VIT: variants seen among roughly 807,000 people sequenced by gnomAD.
VIT encodes vitrin.
In VIT, 99 loss-of-function variants were observed where a neutral mutation model predicts 78.0. The observed-to-expected ratio is 1.27, with a 90% CI of 1.08 to 1.50. The LOEUF is 1.50. Ranked by LOEUF, VIT falls within the 40% of genes most tolerant of loss-of-function variation. VIT has a pLI of 0.00. For synonymous variants in VIT, 374 were observed against 334.3 expected, an observed-to-expected ratio of 1.12 and a Z score of -1.29; for missense variants, 1,126 against 875.3, an observed-to-expected ratio of 1.29 and a Z score of -3.61.
intron 11 of VIT, 99 bp from the exon 12 acceptor site, chr2:36,787,030 T>C: frequency 1.4e-6 from 2 of 1,462,680 alleles, no homozygotes; most frequent in Non-Finnish European, 1.9e-6. Flanking sequence ...TTTCTTTTCA[T>C]TTCTCAGGGG....
At chr2:36,799,306 A>G (rs1463283716) in intron 12 of VIT, among the ~76,000 whole-genome samples, 3 of 152,196 alleles carry the variant, frequency 2.0e-5, no homozygotes, top group Admixed American at 6.5e-5. Context: ...CCCGGTCCGC[A>G]TGGACTCACT....
At chr2:36,783,665 A>G (rs1307105254) in intron 11 of VIT, among the ~76,000 whole-genome samples, 1 of 152,190 alleles carries the variant, frequency 6.6e-6, no homozygotes, top group Non-Finnish European at 1.5e-5. Context: ...AAAGACAAGG[A>G]AGGATGAAAG....
chr2:36,783,761 A>G (rs551391825), intron 11 of VIT, among the ~76,000 whole-genome samples: 55 of 152,242 alleles, frequency 3.6e-4, no homozygotes, highest in African/African-American at 1.3e-3. Flanking sequence ...AATGAAGATA[A>G]ATGGGCATAT....
At chr2:36,711,534 C>T (rs1378724993) in intron 1 of VIT, among the ~76,000 whole-genome samples, 3 of 152,092 alleles carry the variant, frequency 2.0e-5, no homozygotes, top group Non-Finnish European at 4.4e-5. Flanking sequence ...GACCTCAGTT[C>T]CCTTATCTTT....
chr2:36,737,216 G>A lies in VIT; in HGVS notation c.119-5884G>A, dbSNP rs554441975. Reference sequence around the variant, plus strand: ...GGAAAGGGCTTTCTAGGTGGACTAAGCCCACATACCATGGAAAACAAGTGG... The same window carrying A: ...GGAAAGGGCTTTCTAGGTGGACTAAACCCACATACCATGGAAAACAAGTGG... On this transcript the variant is annotated intron_variant, in intron 3 of 15. Coordinates refer to ENST00000379242, the MANE Select transcript of VIT (RefSeq NM_053276.4). 3.3e-5 allele frequency among the ~76,000 whole-genome samples: 5 copies of A among 152,256 alleles called. No individual in the cohort carries two copies. In the South Asian group the frequency reaches 1.0e-3, roughly 32 times the overall value.
At chr2:36,725,387 G>A (rs994693426) in intron 2 of VIT, among the ~76,000 whole-genome samples, 6 of 152,246 alleles carry the variant, frequency 3.9e-5, no homozygotes, top group Admixed American at 2.6e-4. Flanking sequence ...TTCAGAGTCT[G>A]GTCAGGGTCA....
At chr2:36,747,244 C>A (rs1668191294) in intron 4 of VIT, among the ~76,000 whole-genome samples, 1 of 152,006 alleles carries the variant, frequency 6.6e-6, no homozygotes, top group Admixed American at 6.6e-5. Context: ...AGAGTATGTT[C>A]TATGTGCAGA....
At chr2:36,719,312 C>T (rs1666349556) in intron 2 of VIT, among the ~76,000 whole-genome samples, 3 of 152,128 alleles carry the variant, frequency 2.0e-5, no homozygotes, top group Admixed American at 2.0e-4. Flanking sequence ...TACTTCTGTT[C>T]AGCATAGTAC....
At chr2:36,725,019 G>C (rs1666745397) in intron 2 of VIT, among the ~76,000 whole-genome samples, 1 of 152,156 alleles carries the variant, frequency 6.6e-6, no homozygotes, top group African/African-American at 2.4e-5. Context: ...TAATTGACAA[G>C]AGGCTACTAT....
At chr2:36,738,584 A>T (rs1667648053) in intron 3 of VIT, among the ~76,000 whole-genome samples, 1 of 152,216 alleles carries the variant, frequency 6.6e-6, no homozygotes, top group Non-Finnish European at 1.5e-5. Context: ...CTTGAACAGC[A>T]GTGAACAAAA....
chr2:36,740,586 C>T (rs1031521804), intron 3 of VIT, among the ~76,000 whole-genome samples: 15 of 152,104 alleles, frequency 9.9e-5, no homozygotes, highest in Admixed American at 2.6e-4. Flanking sequence ...CATGAACACA[C>T]GTGCCTGATT....
chr2:36,790,209 C>A (rs1345127971), intron 12 of VIT, among the ~76,000 whole-genome samples: 3 of 152,164 alleles, frequency 2.0e-5, no homozygotes, highest in Admixed American at 6.5e-5. Context: ...GAACAGAAAA[C>A]CACTCCAGGT....
chr2:36,790,431 G>A (rs2148640984), intron 12 of VIT, among the ~76,000 whole-genome samples: 1 of 152,270 alleles, frequency 6.6e-6, no homozygotes, highest in South Asian at 2.1e-4. Context: ...CCTCTGGTCT[G>A]GGCCCAACAG....
At chr2:36,786,956 T>G (rs1228613796) in intron 11 of VIT, among the ~76,000 whole-genome samples, 173 bp from the exon 12 acceptor site, 1 of 152,216 alleles carries the variant, frequency 6.6e-6, no homozygotes, top group Non-Finnish European at 1.5e-5. Context: ...AAGACCCTGG[T>G]GCTCAGGGAA....
chr2:36,755,108 C>A, intron 5 of VIT, 54 bp downstream of exon 5: 1 of 1,555,054 alleles, frequency 6.4e-7, no homozygotes, highest in Non-Finnish European at 8.7e-7. Context: ...ATGAAATGTG[C>A]TCTTTTCATT....
intron 1 of VIT, among the ~76,000 whole-genome samples, chr2:36,713,242 G>A (rs559399885): frequency 6.6e-6 from 1 of 152,280 alleles, no homozygotes; most frequent in East Asian, 1.9e-4. Flanking sequence ...AAATGAGGGA[G>A]CAAGTCATGT....
intron 7 of VIT, among the ~76,000 whole-genome samples, chr2:36,769,093 G>A (rs902374902): frequency 1.3e-5 from 2 of 152,168 alleles, no homozygotes; most frequent in African/African-American, 4.8e-5. Context: ...AAACAGGAAG[G>A]ATGCTGGATG....
rs931457114 is a variant in VIT, at chr2:36,722,923, G to GT, written c.53-6497dup. 2.1e-4 allele frequency among the ~76,000 whole-genome samples: 32 copies of GT among 151,312 alleles called. 1 individual carries two copies. Among genetic ancestry groups the GT allele is most frequent in the Admixed American group, 1.3e-4 (2 of 15,182 alleles). The stretch of plus-strand genomic sequence containing the variant: ...AGTATGACCAGATTAAAAAATAATT[G>GT]TTTTTTGTAATTATATCAATTTATC... On this transcript the variant is annotated intron_variant, in intron 2 of 15. Coordinates refer to ENST00000379242, the MANE Select transcript of VIT (RefSeq NM_053276.4).
intron 2 of VIT, among the ~76,000 whole-genome samples, chr2:36,726,818 CAAAAAAAAAAAA>C (rs758452109): frequency 0.011 from 1,184 of 111,626 alleles, 34 homozygotes; most frequent in East Asian, 0.099. Context: ...GACTCTGTCT[CAAAAAAAAAAAA>C]AAAAAAAAAA....
Sources: gnomAD v4.1 joint callset for allele counts (sites outside exome capture counted in the v4.1 genomes callset) on GRCh38, gnomAD v4.1.1 for gene constraint, MANE v1.5 for transcripts, NCBI Gene and HGNC (gene_info 2026-07-23, HGNC 2026-07-21) for gene names.